The following SCAND3 variants were observed in gnomAD, a reference collection of about 807,000 sequenced individuals.
The protein encoded by SCAND3 is SCAN domain-containing protein 3.
chr6:28,593,373 G>T, the SCAND3 span, among the ~76,000 whole-genome samples: 2 of 140,046 alleles, frequency 1.4e-5, no homozygotes, highest in African/African-American at 6.0e-5. Context: ...ACAACCATTA[G>T]AATGAGTTTT....
At chr6:28,588,322 G>T in the SCAND3 span, among the ~76,000 whole-genome samples, 4 of 152,024 alleles carry the variant, frequency 2.6e-5, no homozygotes, top group Non-Finnish European at 5.9e-5. This position sits in a 1 kb window ranked among gnomAD's most constrained non-coding sequence, Gnocchi z 4.1. Context: ...TTCTCATTCT[G>T]CAAGGCAGTG....
the SCAND3 span, among the ~76,000 whole-genome samples, chr6:28,580,803 C>G: frequency 2.3e-3 from 285 of 125,412 alleles, no homozygotes; most frequent in African/African-American, 7.2e-3. Flanking sequence ...CACCCCCCCA[C>G]CCCCCCAAGC....
the SCAND3 span, among the ~76,000 whole-genome samples, chr6:28,603,158 G>C: frequency 9.2e-5 from 14 of 151,748 alleles, no homozygotes; most frequent in Non-Finnish European, 1.8e-4. Context: ...TAGAGACGGG[G>C]TTTCACCGTG....
the SCAND3 span, among the ~76,000 whole-genome samples, chr6:28,613,357 T>A: frequency 4.6e-5 from 7 of 152,216 alleles, no homozygotes; most frequent in Non-Finnish European, 1.0e-4. Flanking sequence ...TACAAAGTGT[T>A]ATTCAACTAC....
chr6:28,573,685 C>T, the SCAND3 span: 112 of 1,610,418 alleles, frequency 7.0e-5, no homozygotes, highest in Admixed American at 1.7e-3. Context: ...ATCATATTTC[C>T]GAGTGAAACT....
chr6:28,573,720 T>C, the SCAND3 span: 2 of 1,608,998 alleles, frequency 1.2e-6, no homozygotes, highest in Non-Finnish European at 1.7e-6. Flanking sequence ...TGGTTTTCCC[T>C]TCTTCAGGAT....
chr6:28,607,146 G>A, the SCAND3 span, among the ~76,000 whole-genome samples: 1 of 152,196 alleles, frequency 6.6e-6, no homozygotes, highest in Non-Finnish European at 1.5e-5. Flanking sequence ...AAAGCAACCT[G>A]TCTGTGGTTG....
chr6:28,587,483 GAA>G, the SCAND3 span: 1 of 152,302 alleles, frequency 6.6e-6, no homozygotes, highest in African/African-American at 2.4e-5. Context: ...GCATCACGGT[GAA>G]AAGAGTTCCA....
At chr6:28,587,355 AT>A in the SCAND3 span, 1 of 152,312 alleles carries the variant, frequency 6.6e-6, no homozygotes, top group Non-Finnish European at 1.5e-5. Context: ...CCGCTCTAGG[AT>A]TCCAGGTGGT....
chr6:28,586,677 T>C, the SCAND3 span: 1 of 1,614,030 alleles, frequency 6.2e-7, no homozygotes, highest in East Asian at 2.2e-5. This position sits in a 1 kb window ranked among gnomAD's most constrained non-coding sequence, Gnocchi z 4.4. Flanking sequence ...TTCTGGAGCC[T>C]GGCCAGCCAA....
At chr6:28,595,393 A>C in the SCAND3 span, among the ~76,000 whole-genome samples, 1 of 151,158 alleles carries the variant, frequency 6.6e-6, no homozygotes, top group Non-Finnish European at 1.5e-5. Flanking sequence ...GAGGAAGAAG[A>C]AAGCAGCTTT....
At chr6:28,571,967 T>C in the SCAND3 span, 25 of 1,613,752 alleles carry the variant, frequency 1.5e-5, no homozygotes, top group African/African-American at 1.7e-4. Context: ...CTAGGTTGGA[T>C]TGATGACAAT....
At chr6:28,592,552 A>AT in the SCAND3 span, among the ~76,000 whole-genome samples, 1 of 152,212 alleles carries the variant, frequency 6.6e-6, no homozygotes, top group African/African-American at 2.4e-5. This position sits in a 1 kb window ranked among gnomAD's most constrained non-coding sequence, Gnocchi z 4.1. Context: ...CCAATGTCAT[A>AT]TTTTACATGA....
chr6:28,574,243 G>C, the SCAND3 span, among the ~76,000 whole-genome samples: 2 of 152,068 alleles, frequency 1.3e-5, no homozygotes, highest in Non-Finnish European at 1.5e-5. Flanking sequence ...TTATGGACTG[G>C]AGTTTTTATA....
At chr6:28,607,316 C>T in the SCAND3 span, among the ~76,000 whole-genome samples, 536 of 152,202 alleles carry the variant, frequency 3.5e-3, 4 homozygotes, top group African/African-American at 0.012. Context: ...TAGTCTCATT[C>T]ATTCAATTTT....
chr6:28,574,878 T>A, the SCAND3 span: 1 of 1,614,018 alleles, frequency 6.2e-7, no homozygotes, highest in Non-Finnish European at 8.5e-7. Flanking sequence ...CACCTGTGCA[T>A]TCTTTTTCAC....
At chr6:28,583,270 C>T in the SCAND3 span, among the ~76,000 whole-genome samples, 1 of 152,196 alleles carries the variant, frequency 6.6e-6, no homozygotes, top group African/African-American at 2.4e-5. Context: ...GTAGTCCCAG[C>T]TACTCGGGAG....
At chr6:28,586,727 A>C in the SCAND3 span, 33 of 1,606,518 alleles carry the variant, frequency 2.1e-5, no homozygotes, top group East Asian at 6.7e-4. This position sits in a 1 kb window ranked among gnomAD's most constrained non-coding sequence, Gnocchi z 4.4. Flanking sequence ...TCCCGAGCTT[A>C]GACAGCTCAG....
chr6:28,602,302 C>A, the SCAND3 span, among the ~76,000 whole-genome samples: 4 of 152,100 alleles, frequency 2.6e-5, no homozygotes, highest in African/African-American at 9.7e-5. Flanking sequence ...CTTGGCCTCC[C>A]GGGTCAAGTG....
Sources: gnomAD v4.1 joint callset for allele counts (sites outside exome capture counted in the v4.1 genomes callset) on GRCh38, gnomAD v4.1.1 for gene constraint, Gnocchi (gnomAD v3.1) non-coding constraint, MANE v1.5 for transcripts, NCBI Gene and HGNC (gene_info 2026-07-23, HGNC 2026-07-21) for gene names.